Variants in MAPKAP1 observed in about 807,000 individuals in gnomAD.
MAPKAP1 encodes MAPK associated protein 1, also known as target of rapamycin complex 2 subunit MAPKAP1.
MAPKAP1 carries 20 observed loss-of-function variants against 65.7 expected under a neutral mutation model. The observed-to-expected ratio is 0.30, with a 90% CI of 0.21 to 0.44. The LOEUF (loss-of-function observed/expected upper bound fraction) is 0.44, where lower values mean the gene tolerates loss of function less well. Among genes scored for constraint, MAPKAP1 ranks in the 20% least tolerant of loss-of-function variants. The probability of loss-of-function intolerance (pLI) is 1.00; values close to 1 mark genes in which losing one functional copy is unlikely to be tolerated. For missense variants in MAPKAP1, 423 were observed against 648.0 expected (o/e 0.65, Z 3.77); for synonymous variants, 222 against 244.3 (o/e 0.91, Z 0.85).
In MAPKAP1 at chr9:125,707,028, G is replaced by C; in HGVS notation, c.-127C>G. 1 of 397,560 alleles carries C rather than the reference G, an allele frequency of 2.5e-6. No homozygotes were observed. The highest frequency in any genetic ancestry group is 6.3e-4 in the Middle Eastern group (1 of 1,588). The allele number at this position is 397,560 out of a possible 1,614,324, so 24.6% of individuals were successfully genotyped here. A position where few individuals can be genotyped will look rare whatever the true frequency, so the allele number is the denominator to read the frequency against. On this transcript the variant is annotated 5_prime_UTR_variant, in exon 1 of 12. Transcript: ENST00000265960. ...GCCCCGGGACACGTTCCTGAGGGGAGGGCCCGGCTCCCCCACGCCTCCCGG... is the reference window on the plus strand; with the variant it reads ...GCCCCGGGACACGTTCCTGAGGGGACGGCCCGGCTCCCCCACGCCTCCCGG...
At chr9:125,647,088 C>A (rs545536885) in intron 4 of MAPKAP1, among the ~76,000 whole-genome samples, 1 of 152,138 alleles carries the variant, frequency 6.6e-6, no homozygotes, top group Non-Finnish European at 1.5e-5. Flanking sequence ...TAACTTCATA[C>A]GGACAATTAA....
intron 4 of MAPKAP1, among the ~76,000 whole-genome samples, chr9:125,635,413 G>A (rs1427728292): frequency 6.6e-5 from 10 of 152,158 alleles, no homozygotes; most frequent in Admixed American, 6.5e-4. Context: ...CCCAGCTGCT[G>A]CTCAATTAAA....
chr9:125,527,355 C>T (rs1052253613), intron 7 of MAPKAP1, among the ~76,000 whole-genome samples: 4 of 152,214 alleles, frequency 2.6e-5, no homozygotes, highest in Middle Eastern at 3.4e-3. Context: ...CGTGAGCCAC[C>T]GCGCCCGGGC....
At chr9:125,581,129 C>G (rs909121775) in intron 5 of MAPKAP1, among the ~76,000 whole-genome samples, 3 of 152,136 alleles carry the variant, frequency 2.0e-5, no homozygotes, top group Non-Finnish European at 4.4e-5. Context: ...TAGGTTGTTT[C>G]CAGTTTTAAG....
At chr9:125,602,119 G>A (rs116992436) in intron 4 of MAPKAP1, among the ~76,000 whole-genome samples, 1,630 of 152,140 alleles carry the variant, frequency 0.011, 16 homozygotes, top group Admixed American at 0.017. Context: ...CAGGTGTGAC[G>A]GTGTGAGCCT....
intron 9 of MAPKAP1, among the ~76,000 whole-genome samples, chr9:125,473,126 A>G (rs972688442): frequency 6.7e-6 from 1 of 149,672 alleles, no homozygotes; most frequent in African/African-American, 2.5e-5. Context: ...AACTTCTAGC[A>G]GTTCTAGTGG....
chr9:125,691,051 G>C lies in MAPKAP1; in HGVS notation c.-70+15920C>G, dbSNP rs894018751. Among the ~76,000 whole-genome samples the C allele has an allele frequency of 2.0e-5, 3 of 152,174 alleles. No individual in the cohort carries two copies. In the South Asian group the frequency reaches 6.2e-4, roughly 32 times the overall value. ...CCGAGGTGGGTGGATCGCGAGGTCA[G>C]GAGAATGAGACCATCCTGGCTAACA... On this transcript the variant is annotated intron_variant, in intron 1 of 11. Transcript: ENST00000265960.
At chr9:125,561,949 T>C (rs1033224961) in intron 5 of MAPKAP1, among the ~76,000 whole-genome samples, 2 of 152,182 alleles carry the variant, frequency 1.3e-5, no homozygotes, top group African/African-American at 2.4e-5. Flanking sequence ...ACAACTGTAA[T>C]GGGAGTCAAC....
intron 1 of MAPKAP1, among the ~76,000 whole-genome samples, chr9:125,696,938 C>G (rs1835404457): frequency 6.6e-6 from 1 of 152,176 alleles, no homozygotes; most frequent in Non-Finnish European, 1.5e-5. Context: ...CTCACTATCT[C>G]TATCTACCAA....
intron 1 of MAPKAP1, among the ~76,000 whole-genome samples, chr9:125,697,548 CTG>C (rs1453002748): frequency 1.3e-5 from 2 of 152,124 alleles, no homozygotes; most frequent in Admixed American, 6.6e-5. Flanking sequence ...TCTAAGATGA[CTG>C]TATATTATTT....
chr9:125,654,660 G>C (rs953233376), intron 4 of MAPKAP1, among the ~76,000 whole-genome samples: 1 of 152,090 alleles, frequency 6.6e-6, no homozygotes, highest in African/African-American at 2.4e-5. Flanking sequence ...ACCAGCTACA[G>C]GAACCAAAAA....
intron 7 of MAPKAP1, among the ~76,000 whole-genome samples, chr9:125,510,432 T>C (rs149426074): frequency 6.6e-6 from 1 of 152,324 alleles, no homozygotes; most frequent in African/African-American, 2.4e-5. Context: ...TATTTCATGC[T>C]CTGGCTGCCT....
At position 125,642,657 on chromosome 9, in the gene MAPKAP1, C is replaced by T. The variant is rs74556632; in HGVS notation, c.498+14994G>A. On this transcript the variant is annotated intron_variant, in intron 4 of 11. Coordinates refer to ENST00000265960, the MANE Select transcript of MAPKAP1 (RefSeq NM_001006617.3). ...TAATCTACCCCTCAGTTAAAGAAAC[C>T]CATAAAGGTAGCAACCCCAAATCCC... 6.3e-3 allele frequency among the ~76,000 whole-genome samples: 965 copies of T among 152,244 alleles called. 15 individuals are homozygous for T. The highest frequency in any genetic ancestry group is 0.023 in the African/African-American group (935 of 41,538).
chr9:125,698,318 T>A lies in MAPKAP1; in HGVS notation c.-70+8653A>T, dbSNP rs1398124925. 1.2e-3 allele frequency among the ~76,000 whole-genome samples: 118 copies of A among 102,280 alleles called. 1 individual carries two copies. The highest frequency in any genetic ancestry group is 3.4e-3 in the South Asian group (11 of 3,278). The allele number at this position is 102,280 out of a possible 152,430, so 67.1% of individuals were successfully genotyped here. On this transcript the variant is annotated intron_variant, in intron 1 of 11. Transcript: ENST00000265960. ...ATATATATATATATATATATATATA[T>A]ATATATATATATATATATAAAATAT...
At chr9:125,689,442 A>C (rs1242222656) in intron 1 of MAPKAP1, among the ~76,000 whole-genome samples, 1 of 139,986 alleles carries the variant, frequency 7.1e-6, no homozygotes, top group Admixed American at 7.3e-5. Flanking sequence ...CTCGGAAAAA[A>C]AAAAAAAAAA....
intron 1 of MAPKAP1, among the ~76,000 whole-genome samples, chr9:125,706,027 T>C (rs977738556): frequency 2.0e-5 from 3 of 152,098 alleles, no homozygotes; most frequent in Admixed American, 1.3e-4. Context: ...AGCACACAGA[T>C]GAATGGGAAA....
At chr9:125,465,499 G>A (rs1188357450) in intron 10 of MAPKAP1, among the ~76,000 whole-genome samples, 35 of 152,166 alleles carry the variant, frequency 2.3e-4, no homozygotes, top group Admixed American at 2.3e-3. Context: ...TGAAGATACT[G>A]GAAATCATAA....
intron 5 of MAPKAP1, among the ~76,000 whole-genome samples, chr9:125,582,345 T>C (rs1404570347): frequency 6.6e-6 from 1 of 152,250 alleles, no homozygotes; most frequent in African/African-American, 2.4e-5. Context: ...TACTATATTC[T>C]GTTCCCAAAT....
intron 10 of MAPKAP1, among the ~76,000 whole-genome samples, chr9:125,455,003 T>C (rs772629846): frequency 6.6e-6 from 1 of 151,330 alleles, no homozygotes; most frequent in Non-Finnish European, 1.5e-5. Flanking sequence ...CTGGTCAACA[T>C]AGTGAGACCC....
Sources: gnomAD v4.1 joint callset for allele counts (sites outside exome capture counted in the v4.1 genomes callset) on GRCh38, gnomAD v4.1.1 for gene constraint, MANE v1.5 for transcripts, NCBI Gene and HGNC (gene_info 2026-07-23, HGNC 2026-07-21) for gene names.